Variants in IL31RA observed in about 807,000 individuals in gnomAD.
The protein encoded by IL31RA is interleukin 31 receptor A.
In IL31RA, 66 loss-of-function variants were observed where a neutral mutation model predicts 83.7. The ratio of observed to expected loss-of-function variants is 0.79; its 90% CI spans 0.65 to 0.97. The LOEUF (loss-of-function observed/expected upper bound fraction) is 0.97, where lower values mean the gene tolerates loss of function less well. Among genes scored for constraint, IL31RA ranks in the 50% least tolerant of loss-of-function variants. The pLI, the probability that IL31RA is intolerant of heterozygous loss-of-function variation, is 0.00. For missense variants in IL31RA, 798 were observed against 919.4 expected, an observed-to-expected ratio of 0.87 and a Z score of 1.71; for synonymous variants, 325 against 329.0, an observed-to-expected ratio of 0.99 and a Z score of 0.13.
intron 4 of IL31RA, among the ~76,000 whole-genome samples, chr5:55,875,735 TCAAAA>T (rs1746808110): frequency 6.6e-6 from 1 of 152,140 alleles, no homozygotes; most frequent in South Asian, 2.1e-4. Flanking sequence ...CAAAGAAAAC[TCAAAA>T]CAAAACAAAG....
intron 4 of IL31RA, among the ~76,000 whole-genome samples, chr5:55,875,378 G>T (rs904913953): frequency 6.6e-6 from 1 of 152,122 alleles, no homozygotes; most frequent in East Asian, 1.9e-4. Flanking sequence ...CATAGAATGA[G>T]CTGGTAAGTG....
intron 9 of IL31RA, 87 bp downstream of exon 9, chr5:55,906,375 A>AGCTGTTAGT: frequency 7.9e-7 from 1 of 1,259,570 alleles, no homozygotes; most frequent in Non-Finnish European, 1.1e-6. Context: ...TTGGCTTCAA[A>AGCTGTTAGT]GCTGTTAGTG....
intron 7 of IL31RA, among the ~76,000 whole-genome samples, chr5:55,899,003 G>T (rs922565001): frequency 1.3e-5 from 2 of 152,026 alleles, no homozygotes; most frequent in Non-Finnish European, 2.9e-5. Context: ...CAGCCTGGGC[G>T]ACAGAGAGAG....
Position 55,867,250 on chromosome 5 carries a change from TGTGC to T in IL31RA, c.155-1537_155-1534del, listed in dbSNP as rs1274225271. ...GTGTGTGTTTGTGTGTGTGTTTGTG[TGTGC>T]GTGTGTTTGTGTGCGTGTGTGTGCA... On this transcript the variant is annotated intron_variant, in intron 2 of 14. Transcript: ENST00000652347. Among the ~76,000 whole-genome samples the T allele has an allele frequency of 5.0e-4, 41 of 81,270 alleles. 1 individual carries two copies. The highest frequency in any genetic ancestry group is 4.3e-3 in the South Asian group (8 of 1,852). The allele number at this position is 81,270 out of a possible 152,430, so 53.3% of individuals were successfully genotyped here. A position where few individuals can be genotyped will look rare whatever the true frequency, so the allele number is the denominator to read the frequency against.
At chr5:55,879,734 C>CTT (rs5868002) in intron 4 of IL31RA, among the ~76,000 whole-genome samples, 14 of 142,714 alleles carry the variant, frequency 9.8e-5, no homozygotes, top group African/African-American at 2.3e-4. Flanking sequence ...CCAGTCCAGT[C>CTT]TTTTTTTTTT....
chr5:55,847,106 G>A (rs368095328), upstream of IL31RA, among the ~76,000 whole-genome samples: 17 of 151,392 alleles, frequency 1.1e-4, no homozygotes, highest in East Asian at 3.1e-3. Context: ...AGCTGGGCAT[G>A]GTGGTGTGCA....
chr5:55,908,157 C>A, intron 10 of IL31RA, 108 bp from the exon 11 acceptor site: 2 of 1,485,940 alleles, frequency 1.3e-6, no homozygotes, highest in Non-Finnish European at 1.9e-6. Flanking sequence ...CCTCACCCGT[C>A]GCCTCCAGCA....
chr5:55,852,494 T>G (rs541565409), intron 1 of IL31RA, among the ~76,000 whole-genome samples: 3 of 152,260 alleles, frequency 2.0e-5, no homozygotes, highest in African/African-American at 7.2e-5. Context: ...ATCTCATAAT[T>G]ATAATCTTCT....
intron 8 of IL31RA, among the ~76,000 whole-genome samples, chr5:55,900,975 A>G (rs2112530292): frequency 6.6e-6 from 1 of 152,250 alleles, no homozygotes; most frequent in Non-Finnish European, 1.5e-5. Context: ...GTGGAAACAT[A>G]TCATAGTCAG....
chr5:55,905,065 T>C (rs2112548878), intron 8 of IL31RA, among the ~76,000 whole-genome samples: 1 of 151,424 alleles, frequency 6.6e-6, no homozygotes. Flanking sequence ...GCCAGGTGTG[T>C]TAGCATGTAC....
chr5:55,851,303 T>G (rs1745052657), upstream of IL31RA: 3 of 535,770 alleles, frequency 5.6e-6, no homozygotes, highest in Non-Finnish European at 1.0e-5. Context: ...ATAACAGTAC[T>G]ATGACTCATG....
At chr5:55,907,315 T>C in intron 9 of IL31RA, 44 bp from the exon 10 acceptor site, 1 of 1,178,336 alleles carries the variant, frequency 8.5e-7, no homozygotes, top group Non-Finnish European at 1.3e-6. Context: ...CCCCCCACTC[T>C]GCCGTGCTCT....
Position 55,910,662 on chromosome 5 carries a change from A to G in IL31RA, c.1632A>G (p.Thr544=), listed in dbSNP as rs1749447996. The G allele has an allele frequency of 1.2e-6, 2 of 1,614,060 alleles. No individual in the cohort carries two copies. Among genetic ancestry groups the G allele is most frequent in the Admixed American group, 1.7e-5 (1 of 60,010 alleles). Residue 544 remains threonine (T), a synonymous_variant, in exon 12 of 15, where the codon ACA becomes ACG. Transcript: ENST00000652347. ...ACGGGACCAGCATAAATTTCAAGAC[A>G]TTGTCATTCAGTGAGTATTTCCTTC... ...GTNGTSINFK[T]LSFSVFEIIL...
At chr5:55,898,384 G>T (rs1380259450) in intron 7 of IL31RA, among the ~76,000 whole-genome samples, 2 of 130,614 alleles carry the variant, frequency 1.5e-5, no homozygotes, top group African/African-American at 5.9e-5. Flanking sequence ...GGTTAAAAAA[G>T]AATGTACTAA....
chr5:55,872,422 A>T lies in IL31RA; in HGVS notation c.425A>T (p.His142Leu). 1.9e-6 allele frequency: 3 copies of T among 1,606,718 alleles called. No individual in the cohort carries two copies. Among genetic ancestry groups the T allele is most frequent in the Non-Finnish European group, 2.6e-6 (3 of 1,173,470 alleles). Reference protein sequence around the residue: ...AENGDGVIKSHMTYWRLENIA... With the variant: ...AENGDGVIKSLMTYWRLENIA... ...AATGGAGATGGTGTAATTAAATCTC[A>T]TATGACATACTGGAGATTAGAGAAC... Residue 142 changes from histidine to leucine, a missense_variant, in exon 4 of 15, where the codon CAT (histidine) becomes CTT (leucine). His to Leu is a moderately conservative substitution (Grantham distance 99). Coordinates refer to ENST00000652347, the MANE Select transcript of IL31RA (RefSeq NM_139017.7).
rs756024589 is a variant in IL31RA at position 55,906,137 on chromosome 5, C to T, written c.1101C>T (p.Cys367=). The T allele has an allele frequency of 6.2e-6, 10 of 1,613,462 alleles. No individual in the cohort carries two copies. Among genetic ancestry groups the T allele is most frequent in the Middle Eastern group, 1.6e-4 (1 of 6,080 alleles). Reference sequence around the variant, plus strand: ...AGTGCATTGAGGTCATGCAGGCCTGCGTTGCTGAGGACCAGCTAGTGGTGA... The same window carrying T: ...AGTGCATTGAGGTCATGCAGGCCTGTGTTGCTGAGGACCAGCTAGTGGTGA... ...SFQCIEVMQA[C]VAEDQLVVKW... is the part of the protein sequence containing the mutation. Residue 367 remains cysteine, a synonymous_variant, in exon 9 of 15, where the codon TGC becomes TGT. Transcript: ENST00000652347.
upstream of IL31RA, among the ~76,000 whole-genome samples, chr5:55,847,671 A>C (rs779783360): frequency 6.6e-6 from 1 of 152,196 alleles, no homozygotes; most frequent in Non-Finnish European, 1.5e-5. Flanking sequence ...ATTATGGTAC[A>C]TTTGTCAAAA....
intron 5 of IL31RA, among the ~76,000 whole-genome samples, chr5:55,884,638 C>T (rs1162060475): frequency 6.6e-6 from 1 of 152,118 alleles, no homozygotes. Flanking sequence ...CCAGGTTGGT[C>T]TGGAACTCCT....
intron 4 of IL31RA, among the ~76,000 whole-genome samples, chr5:55,878,248 C>A (rs1746978096): frequency 6.6e-6 from 1 of 151,912 alleles, no homozygotes; most frequent in African/African-American, 2.4e-5. Context: ...TTCCTGATTT[C>A]CTTTAGTTAT....
Sources: gnomAD v4.1 joint callset for allele counts (sites outside exome capture counted in the v4.1 genomes callset) on GRCh38, gnomAD v4.1.1 for gene constraint, MANE v1.5 for transcripts, NCBI Gene and HGNC (gene_info 2026-07-23, HGNC 2026-07-21) for gene names.